CD200: variants seen among roughly 807,000 people sequenced by gnomAD.
The protein encoded by CD200 is CD200 molecule.
Under a neutral mutation model 30.9 loss-of-function variants are expected in CD200, and 15 were observed. The ratio of observed to expected loss-of-function variants is 0.49; its 90% CI spans 0.32 to 0.75. CD200 has a LOEUF of 0.75. Among genes scored for constraint, CD200 ranks in the 30% least tolerant of loss-of-function variants. The pLI is 0.03. For missense variants in CD200, 262 were observed against 324.2 expected (o/e 0.81, Z 1.47); for synonymous variants, 134 against 126.2 (o/e 1.06, Z -0.41).
intron 2 of CD200, among the ~76,000 whole-genome samples, chr3:112,342,338 C>CT (rs1329311055): frequency 4.6e-5 from 1 of 21,944 alleles, no homozygotes; most frequent in African/African-American, 1.7e-4. Context: ...TCTTTCTTTC[C>CT]TTCTTTCTTT....
At chr3:112,333,072 C>T, upstream of CD200, 2 of 1,276,932 alleles carry the variant, frequency 1.6e-6, no homozygotes, top group East Asian at 2.5e-5. Context: ...GTGGGGAAAA[C>T]GGAGTGGGAG....
chr3:112,357,822 A>G (rs1184393103), intron 5 of CD200, among the ~76,000 whole-genome samples: 2 of 152,258 alleles, frequency 1.3e-5, no homozygotes, highest in Non-Finnish European at 2.9e-5. Context: ...ACAAGACTTA[A>G]GTTCCTATGG....
rs2081352488 is a variant in CD200 at position 112,345,009 on chromosome 3, T to C, written c.142T>C (p.Ser48Pro). ...AAGAGAGCAGCTGTACACACCTGCT[T>C]CCTTAAAATGCTCTCTGCAAAATGC... ...DEREQLYTPA[S>P]LKCSLQNAQE... Residue 48 changes from serine to proline, a missense_variant, in exon 3 of 6, where the codon TCC becomes CCC. Transcript: ENST00000315711. The C allele has an allele frequency of 6.2e-7, 1 of 1,614,072 alleles. No homozygotes were observed. The highest frequency in any genetic ancestry group is 8.5e-7 in the Non-Finnish European group (1 of 1,179,976).
intron 4 of CD200, among the ~76,000 whole-genome samples, 198 bp from the exon 5 acceptor site, chr3:112,349,514 C>A (rs2081488476): frequency 6.6e-6 from 1 of 152,088 alleles, no homozygotes; most frequent in Admixed American, 6.6e-5. Flanking sequence ...AAGTTTAAAG[C>A]TCTTATTACA....
chr3:112,353,635 A>G (rs1232490238), intron 5 of CD200, among the ~76,000 whole-genome samples: 1 of 152,168 alleles, frequency 6.6e-6, no homozygotes, highest in Non-Finnish European at 1.5e-5. Flanking sequence ...TCGATAAACA[A>G]TTTGTGATGA....
intron 5 of CD200, among the ~76,000 whole-genome samples, chr3:112,356,191 T>C (rs1275062413): frequency 6.6e-6 from 1 of 152,234 alleles, no homozygotes; most frequent in Non-Finnish European, 1.5e-5. Flanking sequence ...GACACTAGTT[T>C]ATAAATACTC....
intron 5 of CD200, among the ~76,000 whole-genome samples, chr3:112,352,594 G>T (rs1357859493): frequency 6.6e-6 from 1 of 152,074 alleles, no homozygotes; most frequent in East Asian, 1.9e-4. Flanking sequence ...AAAAGCAAAG[G>T]AGACAGACGA....
intron 5 of CD200, among the ~76,000 whole-genome samples, chr3:112,355,489 T>C (rs1424694750): frequency 6.6e-6 from 1 of 152,200 alleles, no homozygotes. Context: ...GTCTTCGTCA[T>C]AAGCATCCCG....
chr3:112,335,220 C>G (rs2081085660), intron 1 of CD200, among the ~76,000 whole-genome samples: 1 of 151,974 alleles, frequency 6.6e-6, no homozygotes, highest in Non-Finnish European at 1.5e-5. Flanking sequence ...ACTTCAAAAC[C>G]AAAGCCTTTG....
Position 112,340,998 on chromosome 3 carries a change from T to G in CD200, c.94+15T>G. On this transcript the variant is annotated intron_variant, in intron 2 of 5. Coordinates refer to ENST00000315711, the MANE Select transcript of CD200 (RefSeq NM_005944.7). ...CACAGCACAAGGTAAAGAAACTCAA[T>G]TCCCCTGCTTGGAGCCCAGCAAACA... 6.4e-7 allele frequency: 1 copy of G among 1,553,184 alleles called. No individual in the cohort carries two copies.
intron 4 of CD200, among the ~76,000 whole-genome samples, chr3:112,348,084 C>A (rs147953167): frequency 2.3e-3 from 356 of 152,340 alleles, no homozygotes; most frequent in Non-Finnish European, 4.4e-3. Context: ...ATTTCTTCCA[C>A]TCTACTAACA....
At chr3:112,333,472 C>T in intron 1 of CD200, 2 of 985,292 alleles carry the variant, frequency 2.0e-6, no homozygotes, top group Non-Finnish European at 2.4e-6. Flanking sequence ...TTCCAATTGC[C>T]TGAAAAAAAG....
Position 112,362,527 on chromosome 3 carries a change from A to G in CD200, c.*977A>G, listed in dbSNP as rs1287471880. On this transcript the variant is annotated 3_prime_UTR_variant, in exon 6 of 6. Transcript: ENST00000315711. ...TTTTTCCATGCGTTAACTTTTCCCA[A>G]TAGCAGAGGAGGCAAATATGAGCAT... is the stretch of plus-strand genomic sequence containing the variant. The G allele has an allele frequency of 2.0e-5, 3 of 152,604 alleles. No homozygotes were observed. Among genetic ancestry groups the G allele is most frequent in the Non-Finnish European group, 2.9e-5 (2 of 68,034 alleles). The allele number at this position is 152,604 out of a possible 1,614,324, so 9.5% of individuals were successfully genotyped here.
intron 5 of CD200, among the ~76,000 whole-genome samples, chr3:112,357,197 C>T (rs2081640546): frequency 6.9e-6 from 1 of 144,634 alleles, no homozygotes; most frequent in Admixed American, 7.2e-5. Flanking sequence ...GAAAGCGGAG[C>T]TTGCAGTGAG....
intron 2 of CD200, among the ~76,000 whole-genome samples, chr3:112,342,309 T>TTC (rs2081258768): frequency 1.5e-4 from 11 of 72,488 alleles, no homozygotes; most frequent in South Asian, 5.3e-4. Flanking sequence ...TTCCTTCCTT[T>TTC]CTTCTTTCTT....
At chr3:112,353,411 A>G (rs1272884918) in intron 5 of CD200, among the ~76,000 whole-genome samples, 1 of 152,054 alleles carries the variant, frequency 6.6e-6, no homozygotes, top group Non-Finnish European at 1.5e-5. Flanking sequence ...CTTTTTTTTC[A>G]AGTACTAGCT....
intron 5 of CD200, among the ~76,000 whole-genome samples, chr3:112,353,553 T>C (rs1320545514): frequency 2.0e-5 from 3 of 152,192 alleles, no homozygotes; most frequent in Non-Finnish European, 4.4e-5. Context: ...TAATAAAACG[T>C]CATTTCCTGG....
intron 1 of CD200, among the ~76,000 whole-genome samples, chr3:112,336,859 T>C (rs2081129529): frequency 6.6e-6 from 1 of 151,934 alleles, no homozygotes; most frequent in South Asian, 2.1e-4. Flanking sequence ...CTAAATACCA[T>C]AAAAGAATAG....
At chr3:112,353,694 C>G (rs2081577764) in intron 5 of CD200, among the ~76,000 whole-genome samples, 1 of 152,074 alleles carries the variant, frequency 6.6e-6, no homozygotes. Context: ...ATCTGTTCAC[C>G]CCTCCTGAAA....
Sources: gnomAD v4.1 joint callset for allele counts (sites outside exome capture counted in the v4.1 genomes callset) on GRCh38, gnomAD v4.1.1 for gene constraint, MANE v1.5 for transcripts, NCBI Gene and HGNC (gene_info 2026-07-23, HGNC 2026-07-21) for gene names.